Variants in EFR3B observed in about 807,000 individuals in gnomAD.
The protein encoded by EFR3B is EFR3 homolog B, also known as protein EFR3 homolog B.
In EFR3B, 64 loss-of-function variants were observed where a neutral mutation model predicts 104.7. The ratio of observed to expected loss-of-function variants is 0.61; its 90% CI spans 0.50 to 0.75. The LOEUF (loss-of-function observed/expected upper bound fraction) is 0.75, where lower values mean the gene tolerates loss of function less well. Ranked by LOEUF, EFR3B falls within the 30% of genes least tolerant of loss-of-function variation. The pLI is 0.00. For synonymous variants in EFR3B, 385 were observed against 417.9 expected, an observed-to-expected ratio of 0.92 and a Z score of 0.96; for missense variants, 750 against 1,078.5, an observed-to-expected ratio of 0.70 and a Z score of 4.27.
chr2:25,097,267 G>A (rs748294639), intron 3 of EFR3B, among the ~76,000 whole-genome samples: 1 of 152,184 alleles, frequency 6.6e-6, no homozygotes, highest in Non-Finnish European at 1.5e-5. Flanking sequence ...TGAGGGCTTT[G>A]TTCCTAAACA....
Position 25,042,614 on chromosome 2 carries a change from G to T in EFR3B, c.7+295G>T. ...GGGTCTCCCGGAGCCGAGCAGACCGGGAGTGCTGGAGGAGGTGGTCGTGTG... is the reference window on the plus strand; with the variant it reads ...GGGTCTCCCGGAGCCGAGCAGACCGTGAGTGCTGGAGGAGGTGGTCGTGTG... On this transcript the variant is annotated intron_variant, in intron 1 of 22. Transcript: ENST00000403714. This position sits in a 1 kb window ranked among gnomAD's most constrained non-coding sequence, Gnocchi z 5.4. 1.7e-6 allele frequency: 2 copies of T among 1,174,724 alleles called. No individual in the cohort carries two copies. The highest frequency in any genetic ancestry group is 2.1e-6 in the Non-Finnish European group (2 of 951,666). 72.8% of individuals were successfully genotyped at this position (1,174,724 alleles called of 1,614,324 possible). A position where few individuals can be genotyped will look rare whatever the true frequency, so the allele number is the denominator to read the frequency against.
chr2:25,062,419 A>G (rs191573168), intron 1 of EFR3B, among the ~76,000 whole-genome samples: 1 of 152,228 alleles, frequency 6.6e-6, no homozygotes, highest in South Asian at 2.1e-4. Context: ...AAATGTGTGC[A>G]TCTTACTGCA....
chr2:25,107,553 C>G (rs1283109092), intron 4 of EFR3B, among the ~76,000 whole-genome samples: 11 of 152,176 alleles, frequency 7.2e-5, no homozygotes, highest in African/African-American at 2.7e-4. Context: ...CCATTTAGGT[C>G]TGGGAACTAC....
chr2:25,146,088 T>TG (rs1670806830), intron 19 of EFR3B: 3 of 151,430 alleles, frequency 2.0e-5, no homozygotes, highest in Non-Finnish European at 4.4e-5. Context: ...AGATGTTTTT[T>TG]TTTTTTTTTT....
intron 4 of EFR3B, among the ~76,000 whole-genome samples, chr2:25,117,711 T>A (rs1669901317): frequency 6.6e-6 from 1 of 151,682 alleles, no homozygotes; most frequent in Non-Finnish European, 1.5e-5. Context: ...CGTGCCCGGC[T>A]CCTCTTAATA....
intron 3 of EFR3B, 145 bp from the exon 4 acceptor site, chr2:25,103,492 C>A: frequency 1.7e-6 from 2 of 1,148,012 alleles, no homozygotes; most frequent in South Asian, 1.7e-5. Flanking sequence ...GTTGGAAAGG[C>A]TATCCAGACG....
chr2:25,137,583 A>G lies in EFR3B; in HGVS notation c.1722+81A>G. ...TGGGCAAGCCCTGATAAGAGTATTG[A>G]CTAGCAACTGCTTAACACTGTTTTG... On this transcript the variant is annotated intron_variant, in intron 15 of 22. Coordinates refer to ENST00000403714, the MANE Select transcript of EFR3B (RefSeq NM_014971.2). This position sits in a 1 kb window ranked among gnomAD's most constrained non-coding sequence, Gnocchi z 4.7. 1 of 1,526,446 alleles carries G rather than the reference A, an allele frequency of 6.6e-7. No individual in the cohort carries two copies. The highest frequency in any genetic ancestry group is 1.2e-5 in the South Asian group (1 of 81,744). 94.6% of individuals were successfully genotyped at this position (1,526,446 alleles called of 1,614,324 possible). A position where few individuals can be genotyped will look rare whatever the true frequency, so the allele number is the denominator to read the frequency against.
At chr2:25,105,028 TC>T (rs1669525990) in intron 4 of EFR3B, among the ~76,000 whole-genome samples, 1 of 152,356 alleles carries the variant, frequency 6.6e-6, no homozygotes, top group Admixed American at 6.5e-5. Flanking sequence ...TACTTTAAGC[TC>T]CAGGTCTTCA....
At chr2:25,090,294 C>T in intron 1 of EFR3B, among the ~76,000 whole-genome samples, 1 of 152,250 alleles carries the variant, frequency 6.6e-6, no homozygotes, top group East Asian at 1.9e-4. Context: ...GCCCGCCCGC[C>T]CCCTCAGTGA....
chr2:25,057,530 C>G (rs1156753953), intron 1 of EFR3B, among the ~76,000 whole-genome samples: 1 of 152,142 alleles, frequency 6.6e-6, no homozygotes, highest in Non-Finnish European at 1.5e-5. Flanking sequence ...GCCTGTAATC[C>G]CAACACTTTG....
intron 6 of EFR3B, 24 bp from the exon 7 acceptor site, chr2:25,129,951 A>T (rs1462039678): frequency 6.5e-7 from 1 of 1,550,120 alleles, no homozygotes; most frequent in Non-Finnish European, 8.7e-7. Context: ...GCCACCCTCT[A>T]CCCATGTGCC....
intron 12 of EFR3B, among the ~76,000 whole-genome samples, chr2:25,133,858 CTG>C (rs951114254): frequency 1.1e-4 from 16 of 152,214 alleles, no homozygotes; most frequent in African/African-American, 3.9e-4. Flanking sequence ...CCTTCCCATG[CTG>C]TGTTTTATTT....
Position 25,042,782 on chromosome 2 carries a change from C to T in EFR3B, c.7+463C>T. On this transcript the variant is annotated intron_variant, in intron 1 of 22. Coordinates refer to ENST00000403714, the MANE Select transcript of EFR3B (RefSeq NM_014971.2). The surrounding 1 kb of genome is among the most constrained non-coding windows in gnomAD (Gnocchi z 5.4). ...AGGCGGCGCCGGCGGCGCAGAGGCCCGGGGAGCAGCCAGTGGCCGAGTCTC... is the reference window on the plus strand; with the variant it reads ...AGGCGGCGCCGGCGGCGCAGAGGCCTGGGGAGCAGCCAGTGGCCGAGTCTC... 1.3e-6 allele frequency: 1 copy of T among 792,640 alleles called. No individual in the cohort carries two copies. Among genetic ancestry groups the T allele is most frequent in the Non-Finnish European group, 1.5e-6 (1 of 653,410 alleles). 49.1% of individuals were successfully genotyped at this position (792,640 alleles called of 1,614,324 possible).
intron 1 of EFR3B, among the ~76,000 whole-genome samples, chr2:25,047,432 G>A (rs988137225): frequency 6.6e-6 from 1 of 152,124 alleles, no homozygotes; most frequent in African/African-American, 2.4e-5. Flanking sequence ...TAGGATAAGA[G>A]AGCTGCCCCC....
intron 19 of EFR3B, 120 bp from the exon 20 acceptor site, chr2:25,149,574 T>C: frequency 9.8e-7 from 1 of 1,015,758 alleles, no homozygotes; most frequent in Non-Finnish European, 1.5e-6. Flanking sequence ...CCTGAGGGAC[T>C]TCCTGCCCAC....
In EFR3B at chr2:25,137,222, A is replaced by C; in HGVS notation, c.1561-119A>C. Reference sequence around the variant, plus strand: ...CCGCTTTAAAGGCATCCCCTCCCCAAGGGAGGAGGGGGCACACAGCCATCC... The same window carrying C: ...CCGCTTTAAAGGCATCCCCTCCCCACGGGAGGAGGGGGCACACAGCCATCC... On this transcript the variant is annotated intron_variant, in intron 14 of 22. Transcript: ENST00000403714. The surrounding 1 kb of genome is among the most constrained non-coding windows in gnomAD (Gnocchi z 4.7). The C allele has an allele frequency of 8.5e-7, 1 of 1,175,532 alleles. No homozygotes were observed. The highest frequency in any genetic ancestry group is 1.5e-5 in the South Asian group (1 of 66,698). The allele number at this position is 1,175,532 out of a possible 1,614,324, so 72.8% of individuals were successfully genotyped here.
At chr2:25,128,444 A>G (rs903568395) in intron 6 of EFR3B, 112 bp downstream of exon 6, 4 of 1,385,660 alleles carry the variant, frequency 2.9e-6, no homozygotes, top group Non-Finnish European at 2.9e-6. Context: ...GGCCAGGGAC[A>G]TGGCTTTGTG....
chr2:25,091,288 G>A (rs1398254949), intron 1 of EFR3B, 37 bp from the exon 2 acceptor site: 1 of 1,544,618 alleles, frequency 6.5e-7, no homozygotes, highest in Non-Finnish European at 8.8e-7. Context: ...GCCCGACCAG[G>A]AGGCTTTGCT....
intron 4 of EFR3B, among the ~76,000 whole-genome samples, chr2:25,108,411 C>T (rs1669625467): frequency 6.6e-6 from 1 of 152,116 alleles, no homozygotes; most frequent in Non-Finnish European, 1.5e-5. Flanking sequence ...TCTGATGATG[C>T]CAAGATCCTC....
Sources: gnomAD v4.1 joint callset for allele counts (sites outside exome capture counted in the v4.1 genomes callset) on GRCh38, gnomAD v4.1.1 for gene constraint, Gnocchi (gnomAD v3.1) non-coding constraint, MANE v1.5 for transcripts, NCBI Gene and HGNC (gene_info 2026-07-23, HGNC 2026-07-21) for gene names.